GRB14: variants seen among roughly 807,000 people sequenced by gnomAD.
GRB14 encodes growth factor receptor bound protein 14.
In GRB14, 38 loss-of-function variants were observed where a neutral mutation model predicts 69.1. The ratio of observed to expected loss-of-function variants is 0.55; its 90% CI spans 0.42 to 0.72. The LOEUF is 0.72. Ranked by LOEUF, GRB14 falls within the 30% of genes least tolerant of loss-of-function variation. GRB14 has a pLI of 0.00. For synonymous variants in GRB14, 247 were observed against 241.3 expected (o/e 1.02, Z -0.22); for missense variants, 666 against 666.1 (o/e 1.00, Z 0.00).
chr2:164,592,555 G>A (rs1451338315), intron 2 of GRB14, among the ~76,000 whole-genome samples: 1 of 152,160 alleles, frequency 6.6e-6, no homozygotes, highest in Non-Finnish European at 1.5e-5. Flanking sequence ...GCACCACCAG[G>A]CTGGGATCCA....
intron 3 of GRB14, among the ~76,000 whole-genome samples, chr2:164,532,011 C>T (rs1687953420): frequency 6.6e-6 from 1 of 152,142 alleles, no homozygotes; most frequent in South Asian, 2.1e-4. Flanking sequence ...GACCATGAAC[C>T]TAAGGGTCAT....
intron 2 of GRB14, among the ~76,000 whole-genome samples, chr2:164,557,162 T>C (rs2105318897): frequency 6.6e-6 from 1 of 152,204 alleles, no homozygotes; most frequent in East Asian, 1.9e-4. Flanking sequence ...GCAAACATAC[T>C]GAGGAAGAAA....
At chr2:164,573,761 G>A in intron 2 of GRB14, 1 of 1,610,760 alleles carries the variant, frequency 6.2e-7, no homozygotes, top group South Asian at 1.1e-5. Flanking sequence ...CTTCATATTT[G>A]AGACTTTCTG....
rs1026025289 is a variant in GRB14 at position 164,520,660 on chromosome 2, G to GA, written c.816+1319dup. Reference sequence around the variant, plus strand: ...ACAAGGAACTCAAACAAATCAGCAAGAAAAAAAACAAAGAATCCCATCAAA... The same window carrying GA: ...ACAAGGAACTCAAACAAATCAGCAAGAAAAAAAAACAAAGAATCCCATCAAA... On this transcript the variant is annotated intron_variant, in intron 6 of 13. Coordinates refer to ENST00000263915, the MANE Select transcript of GRB14 (RefSeq NM_004490.3). Among the ~76,000 whole-genome samples, 21 of 150,396 alleles carry GA rather than the reference G, an allele frequency of 1.4e-4. No homozygotes were observed. In the East Asian group the frequency reaches 2.3e-3, roughly 17 times the overall value.
At chr2:164,564,845 C>A (rs906911423) in intron 2 of GRB14, among the ~76,000 whole-genome samples, 2 of 152,100 alleles carry the variant, frequency 1.3e-5, no homozygotes, top group Non-Finnish European at 2.9e-5. Context: ...GAAACCCCTT[C>A]TCTAGTAAAA....
At chr2:164,563,012 T>C (rs911021941) in intron 2 of GRB14, among the ~76,000 whole-genome samples, 6 of 152,128 alleles carry the variant, frequency 3.9e-5, no homozygotes, top group African/African-American at 7.2e-5. Flanking sequence ...AGGAGAAATA[T>C]CAAGGTTTAG....
At chr2:164,611,078 A>T (rs1690157687) in intron 2 of GRB14, among the ~76,000 whole-genome samples, 1 of 152,162 alleles carries the variant, frequency 6.6e-6, no homozygotes, top group African/African-American at 2.4e-5. Flanking sequence ...ACAAATAGAT[A>T]GGACTGTGGC....
intron 2 of GRB14, among the ~76,000 whole-genome samples, chr2:164,573,241 G>A (rs1689163260): frequency 6.6e-6 from 1 of 152,152 alleles, no homozygotes; most frequent in African/African-American, 2.4e-5. Flanking sequence ...GCTTCTCCCA[G>A]AATACCTAGC....
intron 3 of GRB14, among the ~76,000 whole-genome samples, chr2:164,529,331 G>C (rs374258808): frequency 6.6e-6 from 1 of 152,130 alleles, no homozygotes; most frequent in East Asian, 1.9e-4. Flanking sequence ...TTCAGAGATT[G>C]ATGGCCAGTC....
intron 2 of GRB14, among the ~76,000 whole-genome samples, chr2:164,562,330 T>C (rs1306147183): frequency 6.6e-6 from 1 of 152,188 alleles, no homozygotes; most frequent in Admixed American, 6.5e-5. Context: ...AAATCTACGT[T>C]CCCAAAGATT....
At position 164,554,770 on chromosome 2, in the gene GRB14, A is replaced by T. The variant is rs536697727; in HGVS notation, c.325-6954T>A. On this transcript the variant is annotated intron_variant, in intron 2 of 13. Transcript: ENST00000263915. ...TCTCTGTTTTGGCTGACATTCTATC[A>T]AGGCATGTTTATACACTTTACACAT... 3.3e-5 allele frequency among the ~76,000 whole-genome samples: 5 copies of T among 152,192 alleles called. No individual in the cohort carries two copies. In the East Asian group the frequency reaches 9.7e-4, roughly 29 times the overall value.
intron 2 of GRB14, among the ~76,000 whole-genome samples, chr2:164,600,430 TGATTGACCA>T (rs1371946093): frequency 6.6e-6 from 1 of 152,190 alleles, no homozygotes; most frequent in Non-Finnish European, 1.5e-5. Flanking sequence ...CCTCCTGTAT[TGATTGACCA>T]CTCCTTCTGT....
chr2:164,493,027 C>G lies in GRB14; in HGVS notation c.*9G>C. On this transcript the variant is annotated 3_prime_UTR_variant, in exon 14 of 14. Transcript: ENST00000263915. ...CCTTCAATAGTTTAATAAGTCACTT[C>G]TGGCTTGTCTAGAGAGCAATCCTAG... is the stretch of plus-strand genomic sequence containing the variant. The G allele has an allele frequency of 6.2e-7, 1 of 1,608,876 alleles. No homozygotes were observed. The highest frequency in any genetic ancestry group is 8.5e-7 in the Non-Finnish European group (1 of 1,177,622).
chr2:164,555,631 T>C (rs898402121), intron 2 of GRB14, among the ~76,000 whole-genome samples: 1 of 150,322 alleles, frequency 6.7e-6, no homozygotes, highest in African/African-American at 2.4e-5. Context: ...AATTTAAATA[T>C]TATATTTATT....
chr2:164,606,442 C>T lies in GRB14; in HGVS notation c.324+13245G>A, dbSNP rs187307348. Among the ~76,000 whole-genome samples, 13 of 152,266 alleles carry T rather than the reference C, an allele frequency of 8.5e-5. No homozygotes were observed. In the East Asian group the frequency reaches 1.5e-3, roughly 18 times the overall value. On this transcript the variant is annotated intron_variant, in intron 2 of 13. Transcript: ENST00000263915. ...ATCTGTATTGAAGAGACTTTCATTA[C>T]GACTCCTCTTTGTCTTTCTTGACTA... is the stretch of plus-strand genomic sequence containing the variant.
chr2:164,523,247 A>T (rs545505564), intron 5 of GRB14, among the ~76,000 whole-genome samples: 2 of 152,230 alleles, frequency 1.3e-5, no homozygotes, highest in African/African-American at 4.8e-5. Flanking sequence ...CAAAATGTAA[A>T]TGGATACTTT....
intron 2 of GRB14, among the ~76,000 whole-genome samples, chr2:164,588,533 T>C (rs764348624): frequency 6.6e-6 from 1 of 150,582 alleles, no homozygotes; most frequent in Non-Finnish European, 1.5e-5. Context: ...ACCGTAACTA[T>C]AGGAAAATAT....
intron 6 of GRB14, among the ~76,000 whole-genome samples, chr2:164,515,447 A>G (rs1437268143): frequency 1.3e-5 from 2 of 152,162 alleles, no homozygotes; most frequent in African/African-American, 4.8e-5. Flanking sequence ...GGGTGGCTAG[A>G]TCTGAAAGAG....
chr2:164,576,584 G>A (rs944557791), intron 2 of GRB14, among the ~76,000 whole-genome samples: 4 of 151,576 alleles, frequency 2.6e-5, no homozygotes, highest in Non-Finnish European at 1.5e-5. Context: ...TTCTGGCAAA[G>A]AAAACAATGA....
Sources: gnomAD v4.1 joint callset for allele counts (sites outside exome capture counted in the v4.1 genomes callset) on GRCh38, gnomAD v4.1.1 for gene constraint, MANE v1.5 for transcripts, NCBI Gene and HGNC (gene_info 2026-07-23, HGNC 2026-07-21) for gene names.